The following PTPRN2 variants were observed in gnomAD, a reference collection of about 807,000 sequenced individuals.
PTPRN2 encodes the protein receptor-type tyrosine-protein phosphatase N2.
In PTPRN2, 74 loss-of-function variants were observed where a neutral mutation model predicts 118.8. That is an observed-to-expected ratio of 0.62 (90% CI 0.52 to 0.76). The LOEUF (loss-of-function observed/expected upper bound fraction) is 0.76. PTPRN2 is among the 30% of genes least tolerant of loss of function. The pLI is 0.00. For synonymous variants in PTPRN2, 641 were observed against 608.0 expected (o/e 1.05, Z -0.80); for missense variants, 1,481 against 1,394.4 (o/e 1.06, Z -0.99).
intron 11 of PTPRN2, among the ~76,000 whole-genome samples, chr7:158,013,072 G>A (rs1017340465): frequency 4.6e-5 from 7 of 152,186 alleles, no homozygotes; most frequent in African/African-American, 1.4e-4. Context: ...TCTCATATAT[G>A]ACTCGTAAGG....
chr7:158,544,809 G>T lies in PTPRN2; in HGVS notation c.112+42749C>A, dbSNP rs1004623438. On this transcript the variant is annotated intron_variant, in intron 1 of 22. Coordinates refer to ENST00000389418, the MANE Select transcript of PTPRN2 (RefSeq NM_002847.5). This position sits in a 1 kb window ranked among gnomAD's most constrained non-coding sequence, Gnocchi z 4.2. ...GAGTGAACACAGAAGCACTGTCTGG[G>T]GCACCTGTTGTCCTGGGGTTCAAAG... is the stretch of plus-strand genomic sequence containing the variant. 1.3e-5 allele frequency among the ~76,000 whole-genome samples: 2 copies of T among 152,174 alleles called. No individual in the cohort carries two copies. The highest frequency in any genetic ancestry group is 2.9e-5 in the Non-Finnish European group (2 of 68,036).
intron 12 of PTPRN2, among the ~76,000 whole-genome samples, chr7:157,887,807 TC>T (rs1796571539): frequency 2.0e-5 from 1 of 48,888 alleles, no homozygotes; most frequent in African/African-American, 8.8e-5. Flanking sequence ...AAGTACCCAC[TC>T]CCCCAGTACC....
At chr7:158,497,488 G>A (rs987296875) in intron 1 of PTPRN2, among the ~76,000 whole-genome samples, 3 of 152,030 alleles carry the variant, frequency 2.0e-5, no homozygotes, top group Non-Finnish European at 2.9e-5. Context: ...GGCATTTCTG[G>A]AGGTTGACAC....
At position 158,316,879 on chromosome 7, in the gene PTPRN2, C is replaced by G. The variant is rs768772921; in HGVS notation, c.217G>C (p.Glu73Gln). Residue 73 changes from glutamate (E) to glutamine (Q), a missense_variant, in exon 3 of 23, where the codon GAG (glutamate) becomes CAG (glutamine). Transcript: ENST00000389418. Reference sequence around the variant, plus strand: ...CGCTGCAGGGCCACGGGCGACACCTCGTAGCGGTAAAAGTCCATTGCCGGA... The same window carrying G: ...CGCTGCAGGGCCACGGGCGACACCTGGTAGCGGTAAAAGTCCATTGCCGGA... The part of the protein sequence containing the change: ...KVPAMDFYRY[E>Q]VSPVALQRLR... 5 of 1,612,302 alleles carry G rather than the reference C, an allele frequency of 3.1e-6. No individual in the cohort carries two copies. The South Asian group carries it at 5.5e-5, about 18-fold the overall frequency.
At chr7:157,769,808 T>C (rs1391046000) in intron 12 of PTPRN2, among the ~76,000 whole-genome samples, 2 of 152,136 alleles carry the variant, frequency 1.3e-5, no homozygotes, top group African/African-American at 2.4e-5. Flanking sequence ...TCTAAAACAC[T>C]ATCCCAGGCG....
At chr7:158,162,213 T>C (rs972747183) in intron 6 of PTPRN2, among the ~76,000 whole-genome samples, 19 of 152,200 alleles carry the variant, frequency 1.2e-4, no homozygotes, top group African/African-American at 4.3e-4. Context: ...TCTCTTACTA[T>C]GTGATCCAGT....
At chr7:157,702,864 T>G (rs1798147478) in intron 12 of PTPRN2, among the ~76,000 whole-genome samples, 2 of 152,110 alleles carry the variant, frequency 1.3e-5, no homozygotes, top group Admixed American at 1.3e-4. Flanking sequence ...GGAGCTGAGG[T>G]CAGAAGGAGG....
chr7:158,499,096 A>T (rs1210401894), intron 1 of PTPRN2, among the ~76,000 whole-genome samples: 1 of 152,248 alleles, frequency 6.6e-6, no homozygotes, highest in African/African-American at 2.4e-5. Flanking sequence ...TTGTTAAAGC[A>T]CCAAAGCCCT....
At chr7:158,407,813 A>G (rs1813718111) in intron 2 of PTPRN2, among the ~76,000 whole-genome samples, 1 of 152,218 alleles carries the variant, frequency 6.6e-6, no homozygotes, top group African/African-American at 2.4e-5. Flanking sequence ...CCGATGTGGA[A>G]CCATCGCCGT....
chr7:158,364,262 C>T (rs530414702), intron 2 of PTPRN2, among the ~76,000 whole-genome samples: 2 of 148,114 alleles, frequency 1.4e-5, no homozygotes, highest in African/African-American at 2.5e-5. Flanking sequence ...TCTGCAGAGC[C>T]CCCATCCTCA....
chr7:158,533,896 C>T (rs1351315748), intron 1 of PTPRN2, among the ~76,000 whole-genome samples: 3 of 152,220 alleles, frequency 2.0e-5, no homozygotes, highest in Non-Finnish European at 2.9e-5. Flanking sequence ...TCCGTGCCGC[C>T]GTCACAGCTG....
intron 2 of PTPRN2, among the ~76,000 whole-genome samples, chr7:158,333,893 C>A (rs62480910): frequency 2.0e-5 from 2 of 100,094 alleles, no homozygotes; most frequent in Non-Finnish European, 3.9e-5. Context: ...ACCATAAGAG[C>A]TGACACCCGC....
intron 11 of PTPRN2, among the ~76,000 whole-genome samples, chr7:158,042,406 C>T (rs1312742145): frequency 6.6e-6 from 1 of 152,180 alleles, no homozygotes; most frequent in Non-Finnish European, 1.5e-5. Flanking sequence ...AGTTCAGGCA[C>T]CAGACACAGG....
intron 12 of PTPRN2, among the ~76,000 whole-genome samples, chr7:157,842,067 C>T (rs369704900): frequency 2.2e-4 from 33 of 152,302 alleles, no homozygotes; most frequent in African/African-American, 4.3e-4. Context: ...GCTTCCCTTT[C>T]GGGGAGGCCT....
chr7:158,187,017 G>A (rs1272628551), intron 5 of PTPRN2, among the ~76,000 whole-genome samples: 1 of 152,190 alleles, frequency 6.6e-6, no homozygotes, highest in Non-Finnish European at 1.5e-5. Context: ...ATGGTGTTCT[G>A]CATGATGAGT....
At chr7:158,381,736 CGA>C (rs1563223699) in intron 2 of PTPRN2, among the ~76,000 whole-genome samples, 1 of 152,132 alleles carries the variant, frequency 6.6e-6, no homozygotes, top group Non-Finnish European at 1.5e-5. Context: ...AAGACATACC[CGA>C]GACTGGGTAA....
At chr7:158,407,036 C>A (rs190130786) in intron 2 of PTPRN2, among the ~76,000 whole-genome samples, 2 of 152,340 alleles carry the variant, frequency 1.3e-5, no homozygotes, top group African/African-American at 4.8e-5. Flanking sequence ...AGCAAGGAAC[C>A]CTCCAGGGAG....
At chr7:157,998,971 G>A (rs1488505864) in intron 11 of PTPRN2, among the ~76,000 whole-genome samples, 1 of 152,092 alleles carries the variant, frequency 6.6e-6, no homozygotes, top group Non-Finnish European at 1.5e-5. Flanking sequence ...CCGGGGGCCA[G>A]GGGACTGTGA....
At chr7:157,646,478 C>T (rs1311179851) in intron 14 of PTPRN2, among the ~76,000 whole-genome samples, 1 of 152,186 alleles carries the variant, frequency 6.6e-6, no homozygotes, top group African/African-American at 2.4e-5. Context: ...GCCTACAGAA[C>T]CCTGAGCCAA....
Sources: allele counts gnomAD v4.1 joint callset (sites outside exome capture counted in the v4.1 genomes callset), GRCh38; gene constraint gnomAD v4.1.1; non-coding constraint Gnocchi (gnomAD v3.1); transcripts MANE v1.5; gene names NCBI Gene and HGNC (gene_info 2026-07-23, HGNC 2026-07-21).